Variants in THSD7A observed in about 807,000 individuals in gnomAD.
THSD7A encodes thrombospondin type-1 domain-containing protein 7A.
Under a neutral mutation model 231.3 loss-of-function variants are expected in THSD7A, and 96 were observed. The observed-to-expected ratio is 0.41, with a 90% CI of 0.35 to 0.49. THSD7A has a LOEUF of 0.49. Ranked by LOEUF, THSD7A falls within the 20% of genes least tolerant of loss-of-function variation. THSD7A has a pLI of 0.05. For missense variants in THSD7A, 2,290 were observed against 2,070.2 expected, an observed-to-expected ratio of 1.11 and a Z score of -2.06; for synonymous variants, 940 against 743.3, an observed-to-expected ratio of 1.26 and a Z score of -4.30.
intron 1 of THSD7A, among the ~76,000 whole-genome samples, chr7:11,746,309 A>C (rs1782301125): frequency 6.6e-6 from 1 of 151,934 alleles, no homozygotes; most frequent in South Asian, 2.1e-4. Flanking sequence ...AGAAATTGGC[A>C]AAACTAAGAA....
chr7:11,701,341 G>A (rs1160546053), intron 1 of THSD7A, among the ~76,000 whole-genome samples: 1 of 150,966 alleles, frequency 6.6e-6, no homozygotes, highest in South Asian at 2.1e-4. Flanking sequence ...TTTCTTTAAC[G>A]ATGTGAAAAC....
chr7:11,396,709 G>C (rs1783201201), intron 23 of THSD7A, among the ~76,000 whole-genome samples: 1 of 152,086 alleles, frequency 6.6e-6, no homozygotes, highest in African/African-American at 2.4e-5. Context: ...GTACAAAGAG[G>C]AGCTGGTACC....
intron 6 of THSD7A, among the ~76,000 whole-genome samples, chr7:11,517,011 C>A (rs886566887): frequency 6.6e-6 from 1 of 150,736 alleles, no homozygotes; most frequent in African/African-American, 2.5e-5. Context: ...ATGTAATACG[C>A]ATTGCCATCT....
chr7:11,808,685 G>T (rs997538210), intron 1 of THSD7A, among the ~76,000 whole-genome samples: 6 of 152,022 alleles, frequency 3.9e-5, no homozygotes, highest in Non-Finnish European at 8.8e-5. Flanking sequence ...ATGTAAACTA[G>T]GGTCTTTATT....
In THSD7A at chr7:11,382,533, T is replaced by C; in HGVS notation, c.4495A>G (p.Ile1499Val). ...ACTGGAGGTTTACCTGTTACATTTATACCATCTGACCTTTGACACCACACT... is the reference window on the plus strand; with the variant it reads ...ACTGGAGGTTTACCTGTTACATTTACACCATCTGACCTTTGACACCACACT... The part of the protein sequence containing the change: ...RTVWCQRSDG[I>V]NVTGGCLVMS... The change falls in exon 24 of 28, where the codon ATA (isoleucine) becomes GTA (valine). Residue 1499 changes from isoleucine (I) to valine (V), a missense_variant. By Grantham distance (29) the Ile-to-Val change is conservative. Coordinates refer to ENST00000423059, the MANE Select transcript of THSD7A (RefSeq NM_015204.3). The C allele has an allele frequency of 6.2e-7, 1 of 1,612,118 alleles. No homozygotes were observed. The highest frequency in any genetic ancestry group is 8.5e-7 in the Non-Finnish European group (1 of 1,178,686).
intron 6 of THSD7A, among the ~76,000 whole-genome samples, chr7:11,514,630 G>A (rs1325851369): frequency 1.3e-5 from 2 of 151,896 alleles, no homozygotes; most frequent in Non-Finnish European, 1.5e-5. Flanking sequence ...AGTGTTTTTT[G>A]TCTTTAAGAT....
intron 6 of THSD7A, among the ~76,000 whole-genome samples, chr7:11,533,986 T>C (rs1788811925): frequency 6.6e-6 from 1 of 152,174 alleles, no homozygotes; most frequent in African/African-American, 2.4e-5. Context: ...TTTCACAATA[T>C]TGTATGTTGT....
At position 11,543,101 on chromosome 7, in the gene THSD7A, G is replaced by C. The variant is rs768291065; in HGVS notation, c.1470C>G (p.Asp490Glu). Residue 490 changes from aspartate to glutamate, a missense_variant, in exon 5 of 28, where the codon GAC (aspartate) becomes GAG (glutamate). Coordinates refer to ENST00000423059, the MANE Select transcript of THSD7A (RefSeq NM_015204.3). ...HKNKEASKPM[D>E]LKLCTGPIPN... The stretch of plus-strand genomic sequence containing the variant: ...GGATAGGTCCAGTGCATAATTTTAA[G>C]TCCATTGGCTTTGAGGCTAGAGAAA... 1 of 1,611,582 alleles carries C rather than the reference G, an allele frequency of 6.2e-7. No individual in the cohort carries two copies. Among genetic ancestry groups the C allele is most frequent in the East Asian group, 2.2e-5 (1 of 44,824 alleles).
At chr7:11,580,069 T>C (rs1791090484) in intron 4 of THSD7A, among the ~76,000 whole-genome samples, 1 of 152,134 alleles carries the variant, frequency 6.6e-6, no homozygotes, top group South Asian at 2.1e-4. Context: ...AAATAACATT[T>C]AGGGTTCTCT....
At chr7:11,771,946 T>C (rs1273467641) in intron 1 of THSD7A, among the ~76,000 whole-genome samples, 1 of 152,152 alleles carries the variant, frequency 6.6e-6, no homozygotes, top group East Asian at 1.9e-4. Context: ...ATGTGTGTGC[T>C]CTCCTTTCAC....
intron 15 of THSD7A, 74 bp from the exon 16 acceptor site, chr7:11,424,903 A>C: frequency 6.4e-7 from 1 of 1,560,474 alleles, no homozygotes; most frequent in Non-Finnish European, 8.7e-7. Context: ...ACACCATAAC[A>C]GCAATCATTT....
At chr7:11,741,715 T>A (rs941182779) in intron 1 of THSD7A, among the ~76,000 whole-genome samples, 7 of 150,644 alleles carry the variant, frequency 4.6e-5, no homozygotes, top group Non-Finnish European at 1.0e-4. Context: ...TAAAGTAAGA[T>A]AAGTCAATTT....
chr7:11,797,759 A>G (rs1784168564), intron 1 of THSD7A, among the ~76,000 whole-genome samples: 1 of 152,060 alleles, frequency 6.6e-6, no homozygotes, highest in African/African-American at 2.4e-5. Flanking sequence ...GTGGAATTTC[A>G]TACTCATTAG....
intron 4 of THSD7A, 74 bp from the exon 5 acceptor site, chr7:11,543,191 T>A (rs1349481840): frequency 8.5e-6 from 12 of 1,408,218 alleles, no homozygotes; most frequent in Non-Finnish European, 9.7e-6. Context: ...GATTTTTCTG[T>A]GTGTATGGAA....
intron 16 of THSD7A, among the ~76,000 whole-genome samples, chr7:11,422,384 A>T (rs6950841): frequency 0.058 from 8,847 of 152,160 alleles, 500 homozygotes; most frequent in African/African-American, 0.15. Context: ...TTCAAGCAGG[A>T]CATTTTGACC....
At chr7:11,382,228 A>G (rs1583639796) in intron 24 of THSD7A, among the ~76,000 whole-genome samples, 1 of 152,288 alleles carries the variant, frequency 6.6e-6, no homozygotes, top group South Asian at 2.1e-4. Context: ...TAAAATTTCT[A>G]GAAAAGATCT....
chr7:11,480,037 T>C (rs565685464), intron 7 of THSD7A, among the ~76,000 whole-genome samples: 72 of 152,300 alleles, frequency 4.7e-4, no homozygotes, highest in Non-Finnish European at 6.5e-4. Context: ...GCACCCTATA[T>C]ATACAATTAT....
chr7:11,548,408 C>T (rs1789488047), intron 4 of THSD7A, among the ~76,000 whole-genome samples: 1 of 152,046 alleles, frequency 6.6e-6, no homozygotes, highest in African/African-American at 2.4e-5. Flanking sequence ...TAGACAGACT[C>T]ACAGTTGAAT....
chr7:11,729,200 G>A (rs1241014811), intron 1 of THSD7A, among the ~76,000 whole-genome samples: 6 of 151,882 alleles, frequency 4.0e-5, no homozygotes, highest in African/African-American at 1.4e-4. Flanking sequence ...GTTGTTCATT[G>A]TGGGATGCAA....
Sources: gnomAD v4.1 joint callset for allele counts (sites outside exome capture counted in the v4.1 genomes callset) on GRCh38, gnomAD v4.1.1 for gene constraint, MANE v1.5 for transcripts, NCBI Gene and HGNC (gene_info 2026-07-23, HGNC 2026-07-21) for gene names.